Variants in ROBO2 observed in about 807,000 individuals in gnomAD.
ROBO2 encodes the protein roundabout homolog 2.
Under a neutral mutation model 160.8 loss-of-function variants are expected in ROBO2, and 53 were observed. That is an observed-to-expected ratio of 0.33 (90% confidence interval 0.26 to 0.41). ROBO2 has a LOEUF of 0.41. Ranked by LOEUF, ROBO2 falls within the 10% of genes least tolerant of loss-of-function variation. The probability of loss-of-function intolerance (pLI) is 1.00; values close to 1 mark genes in which losing one functional copy is unlikely to be tolerated. For missense variants in ROBO2, 1,577 were observed against 1,722.4 expected (o/e 0.92, Z 1.49); for synonymous variants, 664 against 611.7 (o/e 1.09, Z -1.26).
At chr3:76,324,881 C>T (rs2072877541) in intron 2 of ROBO2, among the ~76,000 whole-genome samples, 1 of 152,124 alleles carries the variant, frequency 6.6e-6, no homozygotes, top group Admixed American at 6.6e-5. Context: ...CCAAGGCAGG[C>T]AGATCACGAA....
intron 2 of ROBO2, among the ~76,000 whole-genome samples, chr3:76,091,246 TAACTC>T (rs1330764859): frequency 9.9e-5 from 15 of 151,916 alleles, no homozygotes; most frequent in African/African-American, 2.9e-4. Context: ...CAACAATAAA[TAACTC>T]AATTAAAAAA....
At chr3:75,972,920 A>G (rs1180228598) in intron 2 of ROBO2, among the ~76,000 whole-genome samples, 3 of 151,698 alleles carry the variant, frequency 2.0e-5, no homozygotes, top group Admixed American at 2.0e-4. Flanking sequence ...TATCTATTAA[A>G]GTTTAGTGGC....
intron 2 of ROBO2, among the ~76,000 whole-genome samples, chr3:76,033,754 AC>A (rs1300863709): frequency 2.0e-5 from 3 of 152,078 alleles, no homozygotes; most frequent in Non-Finnish European, 4.4e-5. Flanking sequence ...AGCTAGTGGA[AC>A]CCATTGGCCT....
intron 23 of ROBO2, among the ~76,000 whole-genome samples, chr3:77,623,081 A>C (rs2153706516): frequency 6.6e-6 from 1 of 152,340 alleles, no homozygotes; most frequent in East Asian, 1.9e-4. Context: ...TGATCCCAGG[A>C]CTAAGGTATA....
At chr3:76,083,547 T>C (rs1337512406) in intron 2 of ROBO2, among the ~76,000 whole-genome samples, 1 of 152,146 alleles carries the variant, frequency 6.6e-6, no homozygotes, top group East Asian at 1.9e-4. Flanking sequence ...TTTTTGCATT[T>C]TAAATTTAAG....
intron 2 of ROBO2, among the ~76,000 whole-genome samples, chr3:76,573,121 A>G (rs1478299433): frequency 6.6e-6 from 1 of 151,580 alleles, no homozygotes; most frequent in East Asian, 1.9e-4. Context: ...TTAAGTATCA[A>G]CTCTCCCTTG....
intron 2 of ROBO2, among the ~76,000 whole-genome samples, chr3:76,963,386 C>T (rs962042729): frequency 3.9e-5 from 6 of 151,918 alleles, no homozygotes; most frequent in African/African-American, 1.4e-4. Flanking sequence ...AGAAAGCATG[C>T]AGAACTACAA....
chr3:77,500,325 A>G (rs1304621042), intron 5 of ROBO2, among the ~76,000 whole-genome samples: 1 of 152,178 alleles, frequency 6.6e-6, no homozygotes, highest in Non-Finnish European at 1.5e-5. Context: ...TAAACAAGTT[A>G]GGTTTTTAAG....
At chr3:76,262,362 T>C (rs17140604) in intron 2 of ROBO2, among the ~76,000 whole-genome samples, 2,181 of 152,232 alleles carry the variant, frequency 0.014, 46 homozygotes, top group African/African-American at 0.049. Flanking sequence ...AAAAGGTAGA[T>C]GACACATTAC....
chr3:75,959,513 C>A (rs975314811), intron 2 of ROBO2, among the ~76,000 whole-genome samples: 5 of 151,622 alleles, frequency 3.3e-5, no homozygotes, highest in Non-Finnish European at 7.4e-5. Flanking sequence ...CACAAATTAG[C>A]CCTTAGATTT....
chr3:76,696,123 C>G (rs920663930), intron 2 of ROBO2, among the ~76,000 whole-genome samples: 5 of 152,120 alleles, frequency 3.3e-5, no homozygotes, highest in Admixed American at 6.6e-5. Context: ...ATTCCTGCCG[C>G]ACAACTCAGC....
chr3:76,628,207 T>G (rs2109391481), intron 2 of ROBO2, among the ~76,000 whole-genome samples: 1 of 152,276 alleles, frequency 6.6e-6, no homozygotes, highest in East Asian at 1.9e-4. Context: ...CAGTTCCCAC[T>G]TAATACTTGT....
intron 2 of ROBO2, among the ~76,000 whole-genome samples, chr3:76,790,949 G>C (rs747477987): frequency 1.3e-5 from 2 of 151,682 alleles, no homozygotes; most frequent in Non-Finnish European, 2.9e-5. Context: ...AATGATAATA[G>C]TAGCTTCTAC....
chr3:77,316,641 A>C lies in ROBO2; in HGVS notation c.389-160773A>C, dbSNP rs1024405100. 1.6e-5 allele frequency: 10 copies of C among 617,924 alleles called. No homozygotes were observed. In the African/African-American group the frequency reaches 1.8e-4, roughly 11 times the overall value. 38.3% of individuals were successfully genotyped at this position (617,924 alleles called of 1,614,324 possible). A position where few individuals can be genotyped will look rare whatever the true frequency, so the allele number is the denominator to read the frequency against. ...GAATCATCTTTAACCTTGAGGTCTAACATATTTAGCAATACTTGCATCCCA... is the reference window on the plus strand; with the variant it reads ...GAATCATCTTTAACCTTGAGGTCTACCATATTTAGCAATACTTGCATCCCA... On this transcript the variant is annotated intron_variant, in intron 2 of 25. Transcript: ENST00000461745.
At chr3:77,471,984 A>G (rs1479988048) in intron 2 of ROBO2, among the ~76,000 whole-genome samples, 3 of 152,160 alleles carry the variant, frequency 2.0e-5, no homozygotes, top group Non-Finnish European at 4.4e-5. Flanking sequence ...CTTCTGGAGG[A>G]CAGCATCTTT....
At chr3:76,300,461 T>C (rs1362862366) in intron 2 of ROBO2, among the ~76,000 whole-genome samples, 1 of 151,934 alleles carries the variant, frequency 6.6e-6, no homozygotes, top group Admixed American at 6.6e-5. Context: ...GTCTTCTGGA[T>C]GGAATAGTAA....
chr3:76,053,196 T>C (rs1214749884), intron 2 of ROBO2, among the ~76,000 whole-genome samples: 2 of 152,024 alleles, frequency 1.3e-5, no homozygotes, highest in Non-Finnish European at 2.9e-5. Context: ...TTAAAGTACA[T>C]GATTCATTTA....
intron 2 of ROBO2, among the ~76,000 whole-genome samples, chr3:76,180,286 A>G (rs1327641741): frequency 6.6e-6 from 1 of 152,164 alleles, no homozygotes; most frequent in Non-Finnish European, 1.5e-5. Context: ...GAAAACTTCT[A>G]ATAAGAACTT....
intron 1 of ROBO2, among the ~76,000 whole-genome samples, chr3:77,054,266 T>TAA (rs2065500933): frequency 6.6e-6 from 1 of 152,176 alleles, no homozygotes. Context: ...GCAAAGCCCA[T>TAA]GTTTGTGTTT....
Sources: allele counts gnomAD v4.1 joint callset (sites outside exome capture counted in the v4.1 genomes callset), GRCh38; gene constraint gnomAD v4.1.1; transcripts MANE v1.5; gene names NCBI Gene and HGNC (gene_info 2026-07-23, HGNC 2026-07-21).